Variants in DMD observed in about 807,000 individuals in gnomAD.
DMD encodes mutant dystrophin.
Under a neutral mutation model 330.1 loss-of-function variants are expected in DMD, and 63 were observed. That is an observed-to-expected ratio of 0.19 (90% CI 0.16 to 0.24). The LOEUF (loss-of-function observed/expected upper bound fraction) is 0.24, where lower values mean the gene tolerates loss of function less well. DMD is among the 10% of genes least tolerant of loss of function. DMD has a pLI of 1.00. For missense variants in DMD, 3,344 were observed against 2,684.1 expected (o/e 1.25, Z -5.43); for synonymous variants, 1,223 against 959.8 (o/e 1.27, Z -5.07).
chrX:32,441,434 T>G, intron 27 of DMD, 120 bp from the exon 28 acceptor site: 1 of 690,451 alleles, frequency 1.4e-6, no homozygotes, highest in Admixed American at 2.8e-5. Flanking sequence ...ACCTTTACTT[T>G]GTAGCAGGTA....
intron 47 of DMD, among the ~76,000 whole-genome samples, chrX:31,900,343 C>T (rs986710657): frequency 9.0e-6 from 1 of 110,704 alleles, no homozygotes. Flanking sequence ...GCAGGTCTTT[C>T]CTGTGCTGTT....
intron 1 of DMD, among the ~76,000 whole-genome samples, chrX:33,281,486 GGCATGA>G (rs772435475): frequency 9.0e-6 from 1 of 111,582 alleles, no homozygotes; most frequent in Non-Finnish European, 1.9e-5. Flanking sequence ...TGGGATTACG[GGCATGA>G]GCCACTGCGC....
chrX:32,855,278 T>G (rs1312353794), intron 2 of DMD, among the ~76,000 whole-genome samples: 1 of 111,879 alleles, frequency 8.9e-6, no homozygotes, highest in Non-Finnish European at 1.9e-5. Context: ...GATGCCCACT[T>G]TCACTACTGT....
rs367807892 is a variant in DMD at position 31,397,582 on chromosome X, A to G, written c.9084+46899T>C. 3.6e-5 allele frequency among the ~76,000 whole-genome samples: 4 copies of G among 112,563 alleles called. No individual in the cohort carries two copies. The East Asian group carries it at 1.1e-3, about 31-fold the overall frequency. On this transcript the variant is annotated intron_variant, in intron 60 of 78. Transcript: ENST00000357033. ...TTCCTAGATTCCATTGTGTCTTTCG[A>G]AAATACTGTAAAATTTACAAATGTA...
At chrX:31,199,648 T>G (rs183593924) in intron 67 of DMD, among the ~76,000 whole-genome samples, 1 of 112,398 alleles carries the variant, frequency 8.9e-6, no homozygotes, top group East Asian at 2.8e-4. Flanking sequence ...TTGCCACTAC[T>G]GGGCCCTTGT....
intron 1 of DMD, among the ~76,000 whole-genome samples, chrX:33,202,709 G>A (rs2051346242): frequency 9.0e-6 from 1 of 111,604 alleles, no homozygotes; most frequent in Non-Finnish European, 1.9e-5. Flanking sequence ...ATTCTTCAAT[G>A]AGAATGTCCA....
intron 60 of DMD, among the ~76,000 whole-genome samples, chrX:31,374,694 G>T (rs2059792272): frequency 1.6e-5 from 1 of 61,610 alleles, no homozygotes. Flanking sequence ...AGGGGGGAGG[G>T]ATAGCATTAG....
intron 16 of DMD, among the ~76,000 whole-genome samples, chrX:32,555,432 T>C (rs950814755): frequency 2.7e-5 from 3 of 111,716 alleles, no homozygotes; most frequent in African/African-American, 9.8e-5. Flanking sequence ...TATTGGAAGT[T>C]CTGACCAGGG....
At chrX:31,740,458 G>A (rs2087240433) in intron 51 of DMD, among the ~76,000 whole-genome samples, 1 of 111,651 alleles carries the variant, frequency 9.0e-6, no homozygotes, top group Non-Finnish European at 1.9e-5. Context: ...CAATATATAG[G>A]ACTGCCTTGG....
At chrX:33,043,542 AACAC>A (rs2094334328) in intron 1 of DMD, among the ~76,000 whole-genome samples, 1 of 111,194 alleles carries the variant, frequency 9.0e-6, no homozygotes, top group Non-Finnish European at 1.9e-5. Flanking sequence ...CTTTAAGGAA[AACAC>A]ACACACATAT....
At chrX:32,132,997 T>TC (rs1208316003) in intron 44 of DMD, among the ~76,000 whole-genome samples, 1,179 of 32,265 alleles carry the variant, frequency 0.037, 9 homozygotes, top group South Asian at 0.18. Context: ...TCTTTTCTTT[T>TC]TTTTTTTTTT....
intron 52 of DMD, among the ~76,000 whole-genome samples, chrX:31,688,441 G>C (rs2082852350): frequency 9.0e-6 from 1 of 111,604 alleles, no homozygotes; most frequent in Non-Finnish European, 1.9e-5. Flanking sequence ...TCCCTGAATA[G>C]ACCAATAACA....
chrX:33,108,897 A>G (rs1451457345), intron 1 of DMD, among the ~76,000 whole-genome samples: 3 of 103,851 alleles, frequency 2.9e-5, no homozygotes, highest in Non-Finnish European at 5.9e-5. Context: ...GAAGAGAGAG[A>G]AGTGATTTAA....
intron 55 of DMD, among the ~76,000 whole-genome samples, chrX:31,583,328 G>A (rs1348556333): frequency 2.7e-5 from 3 of 111,830 alleles, no homozygotes; most frequent in African/African-American, 9.8e-5. Context: ...GGTAGGATCT[G>A]GGGAGCAGCC....
At chrX:32,791,632 A>T (rs932864381) in intron 7 of DMD, among the ~76,000 whole-genome samples, 3 of 112,249 alleles carry the variant, frequency 2.7e-5, no homozygotes, top group African/African-American at 9.7e-5. Flanking sequence ...ACTAGATAAA[A>T]CAGAAGAATC....
chrX:31,444,563 T>G lies in DMD; in HGVS notation c.9002A>C (p.Gln3001Pro). The change falls in exon 60 of 79, where the codon CAG becomes CCG. Residue 3001 changes from glutamine (Q) to proline (P), a missense_variant. Transcript: ENST00000357033. ...NVSHVNDLAR[Q>P]LTTLGIQLSP... ...GAGCTGAATGCCCAAAGTGGTAAGCTGGCGAGCAAGGTCATTGACGTGGCT... is the reference window on the plus strand; with the variant it reads ...GAGCTGAATGCCCAAAGTGGTAAGCGGGCGAGCAAGGTCATTGACGTGGCT... 1 of 1,211,918 alleles carries G rather than the reference T, an allele frequency of 8.3e-7. No individual in the cohort carries two copies. The highest frequency in any genetic ancestry group is 1.1e-6 in the Non-Finnish European group (1 of 895,519).
intron 7 of DMD, among the ~76,000 whole-genome samples, chrX:32,732,946 C>G (rs151124997): frequency 2.0e-4 from 22 of 111,147 alleles, no homozygotes; most frequent in African/African-American, 7.2e-4. Flanking sequence ...CTAAATGCTC[C>G]AACTAAAAGA....
chrX:31,885,632 A>G (rs1459243798), intron 47 of DMD, among the ~76,000 whole-genome samples: 3 of 87,616 alleles, frequency 3.4e-5, no homozygotes, highest in Admixed American at 1.5e-4. Flanking sequence ...AAAAAAAAAA[A>G]AAAAAGAAAA....
intron 9 of DMD, among the ~76,000 whole-genome samples, chrX:32,678,241 T>C (rs934896821): frequency 1.5e-4 from 17 of 112,403 alleles, no homozygotes; most frequent in Non-Finnish European, 1.9e-5. Context: ...GATAAATCTG[T>C]TGAGTGTCCT....
Sources: gnomAD v4.1 joint callset for allele counts (sites outside exome capture counted in the v4.1 genomes callset) on GRCh38, gnomAD v4.1.1 for gene constraint, MANE v1.5 for transcripts, NCBI Gene and HGNC (gene_info 2026-07-23, HGNC 2026-07-21) for gene names.